Variants in CHRM2 observed in about 807,000 individuals in gnomAD.
The protein encoded by CHRM2 is muscarinic acetylcholine receptor M2.
CHRM2 carries 8 observed loss-of-function variants against 25.0 expected under a neutral mutation model. The ratio of observed to expected loss-of-function variants is 0.32; its 90% confidence interval spans 0.19 to 0.58. The LOEUF is 0.58. CHRM2 is among the 20% of genes least tolerant of loss of function. CHRM2 has a pLI of 0.88. For synonymous variants in CHRM2, 202 were observed against 205.7 expected, an observed-to-expected ratio of 0.98 and a Z score of 0.15; for missense variants, 440 against 567.1, an observed-to-expected ratio of 0.78 and a Z score of 2.28.
At chr7:136,964,111 C>A (rs937237208) in intron 2 of CHRM2, among the ~76,000 whole-genome samples, 15 of 152,036 alleles carry the variant, frequency 9.9e-5, no homozygotes, top group Non-Finnish European at 2.2e-4. Context: ...CCAAATAATT[C>A]TTTCCCAGGT....
At chr7:136,886,711 C>CA (rs1239067197) in intron 2 of CHRM2, among the ~76,000 whole-genome samples, 199 of 148,570 alleles carry the variant, frequency 1.3e-3, no homozygotes, top group African/African-American at 3.5e-3. Context: ...ACAAAAAATA[C>CA]AAAAAAAAAA....
rs747987086 is a variant in CHRM2, at chr7:137,018,947, A to T, written c.*2681A>T. On this transcript the variant is annotated 3_prime_UTR_variant, in exon 4 of 4. Transcript: ENST00000680005. ...ACAATTCCCCTCTCCCCGAAAGGGG[A>T]CACTTAGCAATGTGTAAAGACATTT... 9.2e-5 allele frequency: 14 copies of T among 151,902 alleles called. No homozygotes were observed. Among genetic ancestry groups the T allele is most frequent in the Admixed American group, 5.9e-4 (9 of 15,200 alleles). 9.4% of individuals were successfully genotyped at this position (151,902 alleles called of 1,614,324 possible). A position where few individuals can be genotyped will look rare whatever the true frequency, so the allele number is the denominator to read the frequency against.
intron 2 of CHRM2, among the ~76,000 whole-genome samples, chr7:136,969,962 G>T (rs1359361205): frequency 6.6e-6 from 1 of 152,124 alleles, no homozygotes; most frequent in Non-Finnish European, 1.5e-5. Flanking sequence ...AGTTCCTGGT[G>T]AGGGCTCGTC....
intron 3 of CHRM2, among the ~76,000 whole-genome samples, chr7:137,006,482 C>T (rs556039833): frequency 2.0e-5 from 3 of 152,104 alleles, no homozygotes; most frequent in South Asian, 2.1e-4. Context: ...AATAGTATTA[C>T]GTTTGACAGG....
chr7:136,877,114 A>T (rs1448526070), intron 2 of CHRM2, among the ~76,000 whole-genome samples: 1 of 152,108 alleles, frequency 6.6e-6, no homozygotes, highest in Admixed American at 6.5e-5. Context: ...AGGAGGAAAG[A>T]AGATAGGATG....
chr7:136,987,126 T>C (rs1802909824), intron 2 of CHRM2, among the ~76,000 whole-genome samples: 2 of 140,252 alleles, frequency 1.4e-5, no homozygotes, highest in African/African-American at 4.9e-5. Context: ...TTTATTTCTC[T>C]TTCTTTTTCT....
intron 2 of CHRM2, chr7:136,870,190 G>A (rs1218568397): frequency 6.6e-6 from 1 of 152,398 alleles, no homozygotes; most frequent in African/African-American, 2.4e-5. Flanking sequence ...AACTCACAAT[G>A]GGTCCTGAAC....
In CHRM2 at chr7:137,016,252, G is replaced by C; in HGVS notation, c.1387G>C (p.Gly463Arg). 6.2e-7 allele frequency: 1 copy of C among 1,612,670 alleles called. No individual in the cohort carries two copies. The highest frequency in any genetic ancestry group is 8.5e-7 in the Non-Finnish European group (1 of 1,179,092). Residue 463 changes from glycine to arginine, a missense_variant, in exon 4 of 4, where the codon GGC becomes CGC. By Grantham distance (125) the Gly-to-Arg change is moderately radical (BLOSUM62 -2). Coordinates refer to ENST00000680005, the MANE Select transcript of CHRM2 (RefSeq NM_001006630.2). ...TCTCATGTGTCATTATAAGAACATA[G>C]GCGCTACAAGGTAAAATATCTTTGA... ...HLLMCHYKNIGATR is the reference protein window; with the variant it reads ...HLLMCHYKNIRATR
chr7:136,994,845 G>T (rs1203706346), intron 3 of CHRM2, among the ~76,000 whole-genome samples: 1 of 151,834 alleles, frequency 6.6e-6, no homozygotes, highest in Non-Finnish European at 1.5e-5. Flanking sequence ...TCTCAGCTTA[G>T]TTTAATAGGG....
At chr7:137,001,173 T>A (rs1804012083) in intron 3 of CHRM2, among the ~76,000 whole-genome samples, 1 of 152,144 alleles carries the variant, frequency 6.6e-6, no homozygotes, top group Non-Finnish European at 1.5e-5. Flanking sequence ...CTTCAATGCT[T>A]GTTTTTGGTC....
chr7:137,005,151 G>C (rs150092244), intron 3 of CHRM2, among the ~76,000 whole-genome samples: 1,947 of 152,132 alleles, frequency 0.013, 138 homozygotes, highest in Admixed American at 0.12. Context: ...GCTACTAGAA[G>C]AGTGATGGTG....
intron 2 of CHRM2, among the ~76,000 whole-genome samples, chr7:136,904,272 G>A (rs772123373): frequency 9.9e-5 from 15 of 151,532 alleles, no homozygotes; most frequent in African/African-American, 1.5e-4. Flanking sequence ...AAAACTTCTG[G>A]TAAAAAGCTC....
chr7:137,015,939 G>T lies in CHRM2; in HGVS notation c.1074G>T (p.Gln358His), dbSNP rs747925877. Residue 358 changes from glutamine (Q) to histidine (H), a missense_variant, in exon 4 of 4, where the codon CAG becomes CAT. Physicochemically the swap from Gln to His is conservative, Grantham distance 24. Around this residue, in one of 5 missense-constraint regions of CHRM2, gnomAD observed 261 missense variants for 261.8 expected, o/e 1.00. Coordinates refer to ENST00000680005, the MANE Select transcript of CHRM2 (RefSeq NM_001006630.2). The surrounding 1 kb of genome is among the most constrained non-coding windows in gnomAD (Gnocchi z 5.1). ...GSSGQNGDEK[Q>H]NIVARKIVKM... is the part of the protein sequence containing the mutation. ...CAGGTCAGAATGGAGATGAAAAGCA[G>T]AATATTGTAGCCCGCAAGATTGTGA... The T allele has an allele frequency of 1.6e-5, 26 of 1,613,140 alleles. No homozygotes were observed. Among genetic ancestry groups the T allele is most frequent in the Non-Finnish European group, 2.2e-5 (26 of 1,179,442 alleles).
intron 3 of CHRM2, among the ~76,000 whole-genome samples, chr7:137,000,598 A>AG (rs1554434130): frequency 3.3e-5 from 5 of 151,118 alleles, no homozygotes; most frequent in South Asian, 2.1e-4. Context: ...GAAGGGAAAA[A>AG]AAGCAAGTAA....
chr7:136,900,500 T>G (rs1481207824), intron 2 of CHRM2, among the ~76,000 whole-genome samples: 2 of 151,892 alleles, frequency 1.3e-5, no homozygotes, highest in African/African-American at 4.8e-5. Flanking sequence ...AGTTTGGTTC[T>G]CCCAGAAACA....
Position 137,000,452 on chromosome 7 carries a change from G to A in CHRM2, c.-47+8188G>A, listed in dbSNP as rs529367504. 1.7e-3 allele frequency among the ~76,000 whole-genome samples: 248 copies of A among 149,978 alleles called. 1 individual carries two copies. Among genetic ancestry groups the A allele is most frequent in the African/African-American group, 5.5e-3 (225 of 40,912 alleles). On this transcript the variant is annotated intron_variant, in intron 3 of 3. Coordinates refer to ENST00000680005, the MANE Select transcript of CHRM2 (RefSeq NM_001006630.2). ...TGACCTCAGGTGATCTGCCCACCTC[G>A]GCCTCCCAAAGTGCTGGGATTACAG...
intron 2 of CHRM2, among the ~76,000 whole-genome samples, chr7:136,898,510 CAT>C (rs1491560285): frequency 1.3e-4 from 8 of 62,432 alleles, no homozygotes; most frequent in African/African-American, 3.9e-4. Context: ...TGTGTGTTTG[CAT>C]GTGTGTGTGT....
intron 2 of CHRM2, among the ~76,000 whole-genome samples, chr7:136,914,531 G>T (rs1798002081): frequency 6.6e-6 from 1 of 151,884 alleles, no homozygotes; most frequent in Non-Finnish European, 1.5e-5. Context: ...CCATGATGGA[G>T]TCAGAATATG....
At chr7:136,952,447 T>A (rs1035551009) in intron 2 of CHRM2, among the ~76,000 whole-genome samples, 2 of 152,194 alleles carry the variant, frequency 1.3e-5, no homozygotes, top group Non-Finnish European at 2.9e-5. Context: ...TGAGAACCAG[T>A]GGCATTGTTC....
Sources: allele counts gnomAD v4.1 joint callset (sites outside exome capture counted in the v4.1 genomes callset), GRCh38; gene constraint gnomAD v4.1.1; regional missense constraint gnomAD v4.1.1; non-coding constraint Gnocchi (gnomAD v3.1); transcripts MANE v1.5; gene names NCBI Gene and HGNC (gene_info 2026-07-23, HGNC 2026-07-21).